The following CPD variants were observed in gnomAD, a reference collection of about 807,000 sequenced individuals.
CPD encodes metallocarboxypeptidase D.
CPD carries 69 observed loss-of-function variants against 138.3 expected under a neutral mutation model. The ratio of observed to expected loss-of-function variants is 0.50; its 90% CI spans 0.41 to 0.61. CPD has a LOEUF of 0.61. CPD is among the 20% of genes least tolerant of loss of function. CPD has a pLI of 0.00. For synonymous variants in CPD, 651 were observed against 642.1 expected (o/e 1.01, Z -0.21); for missense variants, 1,432 against 1,733.3 (o/e 0.83, Z 3.09).
At chr17:30,406,770 C>G (rs1181939241) in intron 2 of CPD, among the ~76,000 whole-genome samples, 1 of 152,014 alleles carries the variant, frequency 6.6e-6, no homozygotes, top group Non-Finnish European at 1.5e-5. Flanking sequence ...CAAAAAAACC[C>G]TTAGATTAGT....
intron 2 of CPD, among the ~76,000 whole-genome samples, chr17:30,394,578 A>C (rs1911448653): frequency 6.6e-6 from 1 of 152,062 alleles, no homozygotes; most frequent in South Asian, 2.1e-4. Context: ...CTTTGTGCAA[A>C]ATGTATTGGC....
Position 30,439,078 on chromosome 17 carries a change from G to C in CPD, c.2230+1G>C. 6.4e-7 allele frequency: 1 copy of C among 1,561,596 alleles called. No homozygotes were observed. The highest frequency in any genetic ancestry group is 8.7e-7 in the Non-Finnish European group (1 of 1,152,574). ...GGAGCTAGTTGGTATAATGTGCCAG[G>C]TAAAGATTCTTTTATATCAAGGCCT... On this transcript the variant is annotated splice_donor_variant, in intron 9 of 20. Coordinates refer to ENST00000225719, the MANE Select transcript of CPD (RefSeq NM_001304.5). LOFTEE classifies it high-confidence loss of function.
At chr17:30,443,437 T>A (rs1912933546) in intron 10 of CPD, among the ~76,000 whole-genome samples, 1 of 152,190 alleles carries the variant, frequency 6.6e-6, no homozygotes, top group Admixed American at 6.5e-5. Context: ...TTGCATTGGA[T>A]TATTATATCT....
chr17:30,439,287 A>C (rs189296108), intron 9 of CPD, among the ~76,000 whole-genome samples: 3 of 151,972 alleles, frequency 2.0e-5, no homozygotes, highest in African/African-American at 4.8e-5. Flanking sequence ...CTAAAACTTG[A>C]TTAAATGGTT....
chr17:30,431,592 A>T (rs112302422), intron 7 of CPD, among the ~76,000 whole-genome samples, 180 bp from the exon 8 acceptor site: 1,864 of 152,298 alleles, frequency 0.012, 38 homozygotes, highest in African/African-American at 0.042. Context: ...CATTTGAAAG[A>T]TATCTTCTCA....
chr17:30,381,638 G>A (rs1188896794), intron 1 of CPD, among the ~76,000 whole-genome samples: 2 of 152,188 alleles, frequency 1.3e-5, no homozygotes, highest in Non-Finnish European at 2.9e-5. Flanking sequence ...ACACTGATAT[G>A]TGAATAAAAT....
In CPD at chr17:30,449,539, C is replaced by T. The variant is rs1418616543; in HGVS notation, c.2874-14C>T. ...TGATTACTTGCTGATTTTTTTGTTT[C>T]TGGTTTTTGAAAGTTTGGGACAGAG... On this transcript the variant is annotated splice_polypyrimidine_tract_variant and intron_variant, in intron 12 of 20. Transcript: ENST00000225719. 8 of 1,561,828 alleles carry T rather than the reference C, an allele frequency of 5.1e-6. No individual in the cohort carries two copies. The Admixed American group carries it at 9.0e-5, about 18-fold the overall frequency.
chr17:30,413,565 C>T (rs370100408), intron 2 of CPD, among the ~76,000 whole-genome samples: 1 of 152,202 alleles, frequency 6.6e-6, no homozygotes, highest in African/African-American at 2.4e-5. Flanking sequence ...CCCATTGCTC[C>T]AACCTCCTTT....
chr17:30,452,763 A>G (rs1913199382), intron 14 of CPD, among the ~76,000 whole-genome samples: 1 of 151,606 alleles, frequency 6.6e-6, no homozygotes. Context: ...CCATTTTCAC[A>G]CTGCTGATAA....
At position 30,422,826 on chromosome 17, in the gene CPD, C is replaced by G; in HGVS notation, c.1460C>G (p.Ser487Cys). 1 of 1,614,086 alleles carries G rather than the reference C, an allele frequency of 6.2e-7. No homozygotes were observed. The highest frequency in any genetic ancestry group is 8.5e-7 in the Non-Finnish European group (1 of 1,179,954). ...ASTVAIPNIL[S>C]GTSSSYQPIQ... ...ACAGTTGCTATACCTAATATTCTTT[C>G]TGGAACATCATCCTCCTACCAGCCA... Residue 487 changes from serine (S) to cysteine (C), a missense_variant, in exon 5 of 21, where the codon TCT becomes TGT. Ser to Cys is a moderately radical substitution (Grantham distance 112). Around this residue, in one of 6 missense-constraint regions of CPD, gnomAD observed 160 missense variants for 197.9 expected, o/e 0.81. Coordinates refer to ENST00000225719, the MANE Select transcript of CPD (RefSeq NM_001304.5).
At chr17:30,394,193 A>C (rs946989334) in intron 2 of CPD, among the ~76,000 whole-genome samples, 6 of 136,700 alleles carry the variant, frequency 4.4e-5, no homozygotes, top group Admixed American at 7.8e-5. Context: ...AAAAGCTTAT[A>C]ATACAGGGTT....
Position 30,461,204 on chromosome 17 carries a change from T to C in CPD, c.3523T>C (p.Cys1175Arg). 1 of 1,602,464 alleles carries C rather than the reference T, an allele frequency of 6.2e-7. No individual in the cohort carries two copies. The highest frequency in any genetic ancestry group is 8.5e-7 in the Non-Finnish European group (1 of 1,174,846). The change falls in exon 18 of 21, where the codon TGT becomes CGT. Residue 1175 changes from cysteine to arginine, a missense_variant. This residue lies in a region of CPD where 366 missense variants were observed against 518.8 expected (regional missense o/e 0.71). Coordinates refer to ENST00000225719, the MANE Select transcript of CPD (RefSeq NM_001304.5). ...GGATTATAGTGTCACCTATGGCCAT[T>C]GTCCGGAAATCACAGTATACACAAG... ...MKDYSVTYGH[C>R]PEITVYTSCC...
chr17:30,407,080 T>C (rs1481831511), intron 2 of CPD, among the ~76,000 whole-genome samples: 1 of 152,210 alleles, frequency 6.6e-6, no homozygotes, highest in African/African-American at 2.4e-5. Context: ...TTTTCTGTCC[T>C]TGTGATAGTT....
chr17:30,425,168 T>C (rs1164192594), intron 6 of CPD, among the ~76,000 whole-genome samples: 1 of 152,124 alleles, frequency 6.6e-6, no homozygotes, highest in Non-Finnish European at 1.5e-5. Context: ...AGGCTCCCAC[T>C]CCCTATTAAA....
rs760926393 is a variant in CPD at position 30,379,502 on chromosome 17, C to T, written c.522C>T (p.Thr174=). ...GCCTGGTCCGCCTGCTCAACACCAC[C>T]GACGTGTACCTGCTGCCCAGCCTCA... ...DPRLVRLLNT[T]DVYLLPSLNP... is the part of the protein sequence containing the mutation. The change falls in exon 1 of 21, where the codon ACC becomes ACT. Residue 174 remains threonine, a synonymous_variant. Coordinates refer to ENST00000225719, the MANE Select transcript of CPD (RefSeq NM_001304.5). This position sits in a 1 kb window ranked among gnomAD's most constrained non-coding sequence, Gnocchi z 7.0. 5.7e-6 allele frequency: 9 copies of T among 1,570,576 alleles called. 1 individual carries two copies. In the South Asian group the frequency reaches 8.0e-5, roughly 14 times the overall value.
At chr17:30,385,829 T>C (rs762809597) in intron 2 of CPD, among the ~76,000 whole-genome samples, 3 of 151,558 alleles carry the variant, frequency 2.0e-5, no homozygotes, top group Non-Finnish European at 4.4e-5. Flanking sequence ...ACCGTGCTAA[T>C]AGTCCTATGG....
rs1913703509 is a variant in CPD, at chr17:30,468,469, C to T, written c.*3655C>T. 6.6e-6 allele frequency: 1 copy of T among 152,530 alleles called. No homozygotes were observed. 9.4% of individuals were successfully genotyped at this position (152,530 alleles called of 1,614,324 possible). On this transcript the variant is annotated 3_prime_UTR_variant, in exon 21 of 21. Transcript: ENST00000225719. ...TCTACAGCTGTTTATGTGAGGTGCC[C>T]AACACCCATTCATCTCAAGTGCTTC... is the stretch of plus-strand genomic sequence containing the variant.
intron 14 of CPD, among the ~76,000 whole-genome samples, chr17:30,453,864 G>A (rs575726732): frequency 2.5e-4 from 38 of 152,314 alleles, no homozygotes; most frequent in African/African-American, 6.7e-4. Context: ...AAGCTGCCAG[G>A]TCTCGGGGCT....
At position 30,379,090 on chromosome 17, in the gene CPD, C is replaced by A. The variant is rs866701188; in HGVS notation, c.110C>A (p.Ala37Glu). ...GCCCGGGCGGCTCACATCAAGAAGG[C>A]GGAGGCGACTACCACAACTACGAGC... ...SSARAAHIKK[A>E]EATTTTTSAG... The change falls in exon 1 of 21, where the codon GCG becomes GAG. Residue 37 changes from alanine (A) to glutamate (E), a missense_variant. Ala to Glu is a moderately radical substitution (Grantham distance 107, BLOSUM62 -1). This residue lies in a region of CPD where 484 missense variants were observed against 477.2 expected (regional missense o/e 1.01). Coordinates refer to ENST00000225719, the MANE Select transcript of CPD (RefSeq NM_001304.5). The surrounding 1 kb of genome is among the most constrained non-coding windows in gnomAD (Gnocchi z 7.0). 6.4e-7 allele frequency: 1 copy of A among 1,557,990 alleles called. No individual in the cohort carries two copies. Among genetic ancestry groups the A allele is most frequent in the Non-Finnish European group, 8.6e-7 (1 of 1,157,468 alleles).
Sources: gnomAD v4.1 joint callset for allele counts (sites outside exome capture counted in the v4.1 genomes callset) on GRCh38, gnomAD v4.1.1 for gene constraint, gnomAD v4.1.1 regional missense constraint, Gnocchi (gnomAD v3.1) non-coding constraint, MANE v1.5 for transcripts, NCBI Gene and HGNC (gene_info 2026-07-23, HGNC 2026-07-21) for gene names.